The following SLC24A2 variants were observed in gnomAD, a reference collection of about 807,000 sequenced individuals.
SLC24A2 encodes solute carrier family 24 member 2.
In SLC24A2, 36 loss-of-function variants were observed where a neutral mutation model predicts 62.0. That is an observed-to-expected ratio of 0.58 (90% CI 0.44 to 0.77). The LOEUF is 0.77. Ranked by LOEUF, SLC24A2 falls within the 30% of genes least tolerant of loss-of-function variation. The pLI, the probability that SLC24A2 is intolerant of heterozygous loss-of-function variation, is 0.00. For missense variants in SLC24A2, 846 were observed against 817.9 expected, an observed-to-expected ratio of 1.03 and a Z score of -0.42; for synonymous variants, 358 against 294.0, an observed-to-expected ratio of 1.22 and a Z score of -2.23.
chr9:19,738,275 T>C (rs561806394), intron 2 of SLC24A2, among the ~76,000 whole-genome samples: 6 of 152,320 alleles, frequency 3.9e-5, no homozygotes, highest in African/African-American at 9.6e-5. Flanking sequence ...TAAACTTTCA[T>C]GGCATCTGGA....
At chr9:19,815,992 G>A in the SLC24A2 span, among the ~76,000 whole-genome samples, 1 of 87,318 alleles carries the variant, frequency 1.1e-5, no homozygotes, top group East Asian at 3.1e-4. Flanking sequence ...ACCTTAATCA[G>A]AATGTGTTAT....
the SLC24A2 span, among the ~76,000 whole-genome samples, chr9:19,825,981 T>G: frequency 2.0e-5 from 3 of 152,096 alleles, no homozygotes; most frequent in Non-Finnish European, 4.4e-5. Flanking sequence ...CTCCATGGGT[T>G]AAATTGTTGA....
At chr9:19,535,446 GTA>G (rs1833917072) in intron 8 of SLC24A2, among the ~76,000 whole-genome samples, 1 of 152,140 alleles carries the variant, frequency 6.6e-6, no homozygotes. Context: ...GTCCAGAATG[GTA>G]TTGCCTAGGT....
At chr9:19,979,794 G>C in the SLC24A2 span, among the ~76,000 whole-genome samples, 1 of 152,128 alleles carries the variant, frequency 6.6e-6, no homozygotes, top group African/African-American at 2.4e-5. Context: ...CATGGGTATT[G>C]GAATCAGGAG....
At chr9:20,167,097 G>A in the SLC24A2 span, among the ~76,000 whole-genome samples, 1 of 152,080 alleles carries the variant, frequency 6.6e-6, no homozygotes, top group East Asian at 1.9e-4. Flanking sequence ...TTATAGGTGT[G>A]AGCCACTGCA....
At chr9:19,528,218 A>G (rs924168633) in intron 8 of SLC24A2, 80 bp from the exon 9 acceptor site, 7 of 913,642 alleles carry the variant, frequency 7.7e-6, no homozygotes, top group Non-Finnish European at 1.2e-5. Context: ...TAAAGCCACC[A>G]TTGTAGCAAT....
chr9:19,916,496 C>A, the SLC24A2 span, among the ~76,000 whole-genome samples: 12 of 152,106 alleles, frequency 7.9e-5, no homozygotes, highest in East Asian at 2.3e-3. Context: ...CAGATATTGT[C>A]AACTCACTGT....
At chr9:20,287,428 GC>G in the SLC24A2 span, among the ~76,000 whole-genome samples, 1 of 152,144 alleles carries the variant, frequency 6.6e-6, no homozygotes, top group African/African-American at 2.4e-5. Context: ...TATATGCTGA[GC>G]CTATCAACTC....
chr9:20,086,800 G>C, the SLC24A2 span, among the ~76,000 whole-genome samples: 1 of 152,102 alleles, frequency 6.6e-6, no homozygotes. Context: ...GTTCCTGCCC[G>C]TGAGAACCTT....
At chr9:19,734,826 G>C (rs1316188807) in intron 2 of SLC24A2, among the ~76,000 whole-genome samples, 4 of 152,220 alleles carry the variant, frequency 2.6e-5, no homozygotes, top group South Asian at 2.1e-4. Context: ...GCTGAAACTG[G>C]ATCCCTTCCT....
In SLC24A2 at chr9:19,541,541, A is replaced by C. The variant is rs1050005605; in HGVS notation, c.1479+8596T>G. 2.0e-3 allele frequency among the ~76,000 whole-genome samples: 289 copies of C among 147,670 alleles called. 1 individual carries two copies. Among genetic ancestry groups the C allele is most frequent in the African/African-American group, 2.2e-3 (86 of 39,290 alleles). On this transcript the variant is annotated intron_variant, in intron 8 of 10. Coordinates refer to ENST00000341998, the MANE Select transcript of SLC24A2 (RefSeq NM_020344.4). ...TCGGGGGTCAGGGGTCAGGGACCCAATTGAGGAGGCAGTCTGCCCGTTCTC... is the reference window on the plus strand; with the variant it reads ...TCGGGGGTCAGGGGTCAGGGACCCACTTGAGGAGGCAGTCTGCCCGTTCTC...
the SLC24A2 span, among the ~76,000 whole-genome samples, chr9:20,243,853 T>C: frequency 6.6e-6 from 1 of 152,096 alleles, no homozygotes; most frequent in Non-Finnish European, 1.5e-5. Flanking sequence ...TCCAGGCCAG[T>C]GTGACAATCA....
the SLC24A2 span, among the ~76,000 whole-genome samples, chr9:20,202,052 T>G: frequency 1.3e-5 from 1 of 78,520 alleles, no homozygotes; most frequent in Admixed American, 1.1e-4. Flanking sequence ...CATTTCATGG[T>G]GTGTGTGTGT....
intron 7 of SLC24A2, among the ~76,000 whole-genome samples, chr9:19,557,038 AG>A (rs1835126051): frequency 1.3e-5 from 2 of 152,344 alleles, no homozygotes; most frequent in Middle Eastern, 3.4e-3. Flanking sequence ...CCTTGAGACC[AG>A]CCCCCTCATT....
At chr9:20,077,677 C>A in the SLC24A2 span, among the ~76,000 whole-genome samples, 1 of 152,162 alleles carries the variant, frequency 6.6e-6, no homozygotes, top group Non-Finnish European at 1.5e-5. Flanking sequence ...AGGAGTTAAT[C>A]ATTCTTTGCA....
the SLC24A2 span, among the ~76,000 whole-genome samples, chr9:20,005,933 G>C: frequency 6.6e-6 from 1 of 150,560 alleles, no homozygotes; most frequent in African/African-American, 2.4e-5. Context: ...AGTGAGGGTA[G>C]GGCATAGGGT....
the SLC24A2 span, among the ~76,000 whole-genome samples, chr9:20,128,350 A>G: frequency 2.6e-4 from 40 of 152,204 alleles, no homozygotes; most frequent in East Asian, 7.7e-3. Context: ...TCTAATATTT[A>G]TTGTTGGATC....
chr9:19,892,796 A>G, the SLC24A2 span, among the ~76,000 whole-genome samples: 2 of 152,152 alleles, frequency 1.3e-5, no homozygotes, highest in African/African-American at 4.8e-5. Flanking sequence ...TTTTGGCCCA[A>G]GGTCACACAG....
intron 8 of SLC24A2, among the ~76,000 whole-genome samples, chr9:19,541,275 A>C (rs1233297237): frequency 3.4e-5 from 5 of 149,118 alleles, no homozygotes; most frequent in African/African-American, 1.0e-4. Context: ...GGAGGAGGAG[A>C]GGCACTCTGC....
Sources: allele counts gnomAD v4.1 joint callset (sites outside exome capture counted in the v4.1 genomes callset), GRCh38; gene constraint gnomAD v4.1.1; transcripts MANE v1.5; gene names NCBI Gene and HGNC (gene_info 2026-07-23, HGNC 2026-07-21).